Variants in SPON1 observed in about 807,000 individuals in gnomAD.
The protein encoded by SPON1 is spondin 1.
A neutral mutation model predicts 111.7 loss-of-function variants in SPON1; 52 were observed. The ratio of observed to expected loss-of-function variants is 0.47; its 90% CI spans 0.37 to 0.59. The LOEUF is 0.59. SPON1 is among the 20% of genes least tolerant of loss of function. The pLI is 0.00. For synonymous variants in SPON1, 410 were observed against 395.8 expected (o/e 1.04, Z -0.43); for missense variants, 957 against 1,068.5 (o/e 0.90, Z 1.46).
chr11:14,148,013 G>A (rs1847743440), intron 6 of SPON1, among the ~76,000 whole-genome samples: 1 of 152,158 alleles, frequency 6.6e-6, no homozygotes, highest in African/African-American at 2.4e-5. Flanking sequence ...ATTGTCAGAG[G>A]TGTAGGGAAA....
intron 6 of SPON1, among the ~76,000 whole-genome samples, chr11:14,234,539 T>C (rs147856354): frequency 6.6e-6 from 1 of 152,348 alleles, no homozygotes; most frequent in Non-Finnish European, 1.5e-5. Flanking sequence ...TCCAGGATGG[T>C]ACTTCAGTTA....
intron 6 of SPON1, among the ~76,000 whole-genome samples, chr11:14,151,048 G>A (rs577131382): frequency 6.6e-6 from 1 of 152,326 alleles, no homozygotes; most frequent in Non-Finnish European, 1.5e-5. Context: ...ACATGGAGTA[G>A]CTGTTCCAAG....
At chr11:14,128,662 GTGGGGACTC>G (rs782382982) in intron 5 of SPON1, among the ~76,000 whole-genome samples, 38 of 152,352 alleles carry the variant, frequency 2.5e-4, no homozygotes, top group Admixed American at 1.1e-3. Context: ...CAGTGTCCCA[GTGGGGACTC>G]TGTGTGGTGA....
chr11:14,141,027 C>CA (rs1847649235), intron 6 of SPON1, among the ~76,000 whole-genome samples: 1 of 126,536 alleles, frequency 7.9e-6, no homozygotes, highest in Admixed American at 7.9e-5. Flanking sequence ...GCGTGCCCCC[C>CA]CCATGCCCCA....
intron 3 of SPON1, among the ~76,000 whole-genome samples, chr11:14,065,070 C>G (rs563354780): frequency 6.6e-6 from 1 of 152,130 alleles, no homozygotes; most frequent in Admixed American, 6.5e-5. Flanking sequence ...CAGTGACCCC[C>G]CTCCCACACC....
intron 1 of SPON1, among the ~76,000 whole-genome samples, chr11:13,979,468 T>C (rs1848127946): frequency 6.6e-6 from 1 of 152,186 alleles, no homozygotes; most frequent in South Asian, 2.1e-4. Flanking sequence ...ATGAAAGTGA[T>C]TCTTTTAAGG....
chr11:13,964,108 C>T lies in SPON1; in HGVS notation c.238+966C>T, dbSNP rs1219457568. On this transcript the variant is annotated intron_variant, in intron 1 of 15. Transcript: ENST00000576479. ...CTGAAGACGCCTGACTCTGTCCCCA[C>T]GCCCGCCACCTCGCTCCTCAGCAGG... 3.9e-5 allele frequency among the ~76,000 whole-genome samples: 6 copies of T among 152,322 alleles called. No homozygotes were observed. The South Asian group carries it at 1.2e-3, about 32-fold the overall frequency.
At chr11:14,123,251 T>G (rs1166206113) in intron 5 of SPON1, among the ~76,000 whole-genome samples, 2 of 152,182 alleles carry the variant, frequency 1.3e-5, no homozygotes, top group Non-Finnish European at 2.9e-5. Context: ...AATTTTTTAT[T>G]GCATGATGGA....
intron 3 of SPON1, among the ~76,000 whole-genome samples, chr11:14,051,289 C>T (rs541135503): frequency 5.9e-5 from 9 of 152,266 alleles, no homozygotes; most frequent in Non-Finnish European, 1.2e-4. Flanking sequence ...AGTCCCAACA[C>T]TTTGAGAAGC....
chr11:14,067,744 G>C lies in SPON1; in HGVS notation c.480-7601G>C, dbSNP rs1479841908. Among the ~76,000 whole-genome samples the C allele has an allele frequency of 1.3e-5, 2 of 152,188 alleles. 1 individual carries two copies. The highest frequency in any genetic ancestry group is 4.1e-4 in the South Asian group (2 of 4,828). ...TGTCCTACCACCAGCAGCAAGGAAG[G>C]CTGGGAAAGCAGGAACAGGACTATC... On this transcript the variant is annotated intron_variant, in intron 3 of 15. Coordinates refer to ENST00000576479, the MANE Select transcript of SPON1 (RefSeq NM_006108.4).
intron 14 of SPON1, chr11:14,262,428 A>C (rs1554941988): frequency 4.1e-6 from 2 of 482,616 alleles, no homozygotes; most frequent in African/African-American, 3.9e-5. Flanking sequence ...AGAGCAGGGC[A>C]AGAGGCTCTG....
intron 6 of SPON1, among the ~76,000 whole-genome samples, chr11:14,152,784 A>G (rs1169212128): frequency 6.6e-6 from 1 of 152,224 alleles, no homozygotes. Context: ...CAATGCAAAT[A>G]TAAAGGATGT....
chr11:14,254,032 G>A (rs1849080438), intron 7 of SPON1, among the ~76,000 whole-genome samples: 1 of 152,212 alleles, frequency 6.6e-6, no homozygotes, highest in South Asian at 2.1e-4. Context: ...GGGGGTGTCG[G>A]CCAAAGGTCT....
At chr11:14,146,582 T>A (rs1241729292) in intron 6 of SPON1, among the ~76,000 whole-genome samples, 1 of 152,178 alleles carries the variant, frequency 6.6e-6, no homozygotes, top group Non-Finnish European at 1.5e-5. Context: ...AAATCCCAGA[T>A]AATTTTTTAA....
intron 6 of SPON1, among the ~76,000 whole-genome samples, chr11:14,213,585 C>A (rs1460414544): frequency 6.6e-6 from 1 of 152,112 alleles, no homozygotes; most frequent in African/African-American, 2.4e-5. Context: ...TTATTGAGCA[C>A]TTTCTATGTA....
rs1234451855 is a variant in SPON1, at chr11:14,218,018, G to A, written c.826-25314G>A. Reference sequence around the variant, plus strand: ...AGCCGTCTGTTTTATAAGCCCTCCTGGTGATTCTGATACACACTAAAGTTT... The same window carrying A: ...AGCCGTCTGTTTTATAAGCCCTCCTAGTGATTCTGATACACACTAAAGTTT... On this transcript the variant is annotated intron_variant, in intron 6 of 15. Transcript: ENST00000576479. 2.4e-4 allele frequency among the ~76,000 whole-genome samples: 36 copies of A among 152,138 alleles called. 1 individual carries two copies.
intron 6 of SPON1, among the ~76,000 whole-genome samples, chr11:14,157,168 T>C (rs550586932): frequency 4.6e-5 from 7 of 152,328 alleles, no homozygotes; most frequent in East Asian, 1.9e-4. Context: ...TTCTTCCTTT[T>C]TTTATGTCCA....
chr11:14,234,683 A>G (rs953781854), intron 6 of SPON1, among the ~76,000 whole-genome samples: 3 of 152,222 alleles, frequency 2.0e-5, no homozygotes, highest in African/African-American at 7.2e-5. Context: ...GGCCCGGAAC[A>G]GCTCTGATGG....
chr11:14,186,647 C>A (rs1475227563), intron 6 of SPON1, among the ~76,000 whole-genome samples: 1 of 152,248 alleles, frequency 6.6e-6, no homozygotes, highest in African/African-American at 2.4e-5. Context: ...ATGCTGTACC[C>A]ACCCTTTGCC....
Sources: allele counts gnomAD v4.1 joint callset (sites outside exome capture counted in the v4.1 genomes callset), GRCh38; gene constraint gnomAD v4.1.1; transcripts MANE v1.5; gene names NCBI Gene and HGNC (gene_info 2026-07-23, HGNC 2026-07-21).